DBF4B: variants seen among roughly 807,000 people sequenced by gnomAD.
DBF4B encodes the protein protein DBF4 homolog B.
Under a neutral mutation model 53.4 loss-of-function variants are expected in DBF4B, and 49 were observed. The observed-to-expected ratio is 0.92, with a 90% CI of 0.73 to 1.16. The LOEUF is 1.16. DBF4B is among the 50% of genes most tolerant of loss of function. The probability of loss-of-function intolerance (pLI) is 0.00; values close to 1 mark genes in which losing one functional copy is unlikely to be tolerated. For missense variants in DBF4B, 692 were observed against 775.0 expected (o/e 0.89, Z 1.27); for synonymous variants, 257 against 288.7 (o/e 0.89, Z 1.11).
intron 10 of DBF4B, among the ~76,000 whole-genome samples, chr17:44,745,067 G>A (rs1291141800): frequency 3.3e-5 from 5 of 152,024 alleles, no homozygotes; most frequent in African/African-American, 1.2e-4. Flanking sequence ...AAGTAACTGG[G>A]AGTACAGGTG....
intron 13 of DBF4B, chr17:44,748,808 C>A: frequency 1.5e-6 from 2 of 1,299,304 alleles, no homozygotes; most frequent in Non-Finnish European, 2.0e-6. Context: ...GGCACCAGGA[C>A]AACTAGTGGC....
Position 44,708,817 on chromosome 17 carries a change from T to C in DBF4B, c.-4T>C. The C allele has an allele frequency of 6.4e-7, 1 of 1,551,178 alleles. No individual in the cohort carries two copies. The highest frequency in any genetic ancestry group is 1.2e-5 in the South Asian group (1 of 83,962). On this transcript the variant is annotated 5_prime_UTR_variant, in exon 1 of 14. Coordinates refer to ENST00000315005, the MANE Select transcript of DBF4B (RefSeq NM_145663.3). ...TACGGAGGCCGAGAAGGAGCCGGCATTTGATGAGCGAACCGGGAAAGGGTA... is the reference window on the plus strand; with the variant it reads ...TACGGAGGCCGAGAAGGAGCCGGCACTTGATGAGCGAACCGGGAAAGGGTA...
At chr17:44,719,049 C>A (rs1357568901) in intron 2 of DBF4B, 2 of 151,046 alleles carry the variant, frequency 1.3e-5, no homozygotes, top group Non-Finnish European at 3.0e-5. Flanking sequence ...TCACTGAAAC[C>A]TCCAACTCCC....
intron 3 of DBF4B, among the ~76,000 whole-genome samples, chr17:44,725,056 C>T (rs1028813864): frequency 3.0e-5 from 4 of 134,540 alleles, no homozygotes; most frequent in African/African-American, 8.5e-5. Flanking sequence ...GCAGAGGTTG[C>T]GGTGAGTCGA....
intron 7 of DBF4B, among the ~76,000 whole-genome samples, 160 bp from the exon 8 acceptor site, chr17:44,736,670 C>T (rs533336987): frequency 4.6e-5 from 7 of 152,242 alleles, no homozygotes; most frequent in African/African-American, 1.7e-4. Context: ...CCGTTGTGCC[C>T]AGGTCTGCTC....
intron 3 of DBF4B, among the ~76,000 whole-genome samples, chr17:44,727,214 C>T (rs1046671303): frequency 2.0e-5 from 3 of 150,722 alleles, no homozygotes; most frequent in African/African-American, 7.3e-5. Flanking sequence ...GTCAGGAGTT[C>T]TACACCAGCC....
intron 2 of DBF4B, among the ~76,000 whole-genome samples, chr17:44,715,879 A>G (rs1236066681): frequency 8.1e-6 from 1 of 123,184 alleles, no homozygotes; most frequent in African/African-American, 3.3e-5. Flanking sequence ...CTGGAGTGCA[A>G]TGGCGCGATC....
intron 7 of DBF4B, 29 bp downstream of exon 7, chr17:44,734,192 A>G: frequency 1.2e-6 from 2 of 1,614,086 alleles, no homozygotes; most frequent in Non-Finnish European, 1.7e-6. Context: ...CTGAAGGACA[A>G]ATGGATGGTT....
chr17:44,750,976 A>G lies in DBF4B; in HGVS notation c.1571A>G (p.His524Arg), dbSNP rs369696946. The G allele has an allele frequency of 8.1e-6, 13 of 1,613,954 alleles. No individual in the cohort carries two copies. In the African/African-American group the frequency reaches 9.3e-5, roughly 12 times the overall value. Residue 524 changes from histidine (H) to arginine (R), a missense_variant, in exon 14 of 14, where the codon CAT (histidine) becomes CGT (arginine). Coordinates refer to ENST00000315005, the MANE Select transcript of DBF4B (RefSeq NM_145663.3). ...PFVTWGCLIP[H>R]DTTPLHEEVS... ...GTGACATGGGGTTGCCTCATTCCCC[A>G]TGACACCACCCCTCTGCATGAGGAA...
In DBF4B at chr17:44,749,087, C is replaced by T. The variant is rs2049199414; in HGVS notation, c.1189+622C>T. 2.3e-6 allele frequency: 3 copies of T among 1,289,824 alleles called. No individual in the cohort carries two copies. Among genetic ancestry groups the T allele is most frequent in the Non-Finnish European group, 3.0e-6 (3 of 988,866 alleles). 79.9% of individuals were successfully genotyped at this position (1,289,824 alleles called of 1,614,324 possible). A position where few individuals can be genotyped will look rare whatever the true frequency, so the allele number is the denominator to read the frequency against. On this transcript the variant is annotated intron_variant, in intron 13 of 13. Coordinates refer to ENST00000315005, the MANE Select transcript of DBF4B (RefSeq NM_145663.3). This position sits in a 1 kb window ranked among gnomAD's most constrained non-coding sequence, Gnocchi z 4.4. ...AGCTGCCCCACAGCTCCAGGCTGGC[C>T]ATCAGCTCCCCTGTACTCAGCTACC...
intron 2 of DBF4B, among the ~76,000 whole-genome samples, chr17:44,721,044 T>A (rs1200054719): frequency 6.6e-6 from 1 of 151,922 alleles, no homozygotes; most frequent in East Asian, 1.9e-4. Flanking sequence ...TTTTGTATTT[T>A]TAGTGGAGAC....
chr17:44,731,707 G>A (rs1370496984), intron 5 of DBF4B: 1 of 161,034 alleles, frequency 6.2e-6, no homozygotes, highest in Non-Finnish European at 1.4e-5. Flanking sequence ...TGTGAGAAGA[G>A]TCATGCTGGT....
At chr17:44,748,968 G>A in intron 13 of DBF4B, 1 of 1,289,902 alleles carries the variant, frequency 7.8e-7, no homozygotes, top group Non-Finnish European at 1.0e-6. Context: ...GGGCCACACA[G>A]CCCTCCTGGC....
Position 44,747,184 on chromosome 17 carries a change from T to C in DBF4B, c.932T>C (p.Leu311Pro). ...CECCQEAFEE[L>P]HVHLQSAQHR... ...TGCTGTCAGGAGGCCTTCGAGGAGC[T>C]CCATGTGGTGAGCCCCTTCCCCATT... The change falls in exon 11 of 14, where the codon CTC becomes CCC. Residue 311 changes from leucine (L) to proline (P), a missense_variant. Around this residue, in one of 3 missense-constraint regions of DBF4B, gnomAD observed 597 missense variants for 665.8 expected, o/e 0.90. Coordinates refer to ENST00000315005, the MANE Select transcript of DBF4B (RefSeq NM_145663.3). 1 of 1,614,062 alleles carries C rather than the reference T, an allele frequency of 6.2e-7. No homozygotes were observed.
In DBF4B at chr17:44,748,136, C is replaced by T. The variant is rs527541538; in HGVS notation, c.1065-205C>T. Among the ~76,000 whole-genome samples the T allele has an allele frequency of 3.8e-3, 578 of 152,334 alleles. 4 individuals are homozygous for T. Among genetic ancestry groups the T allele is most frequent in the Non-Finnish European group, 4.5e-3 (308 of 68,026 alleles). Reference sequence around the variant, plus strand: ...TCCTCTGGCCGGCCCCAACCACAGGCTGCAGAGCCAAGAGAAGTGCACACA... The same window carrying T: ...TCCTCTGGCCGGCCCCAACCACAGGTTGCAGAGCCAAGAGAAGTGCACACA... On this transcript the variant is annotated intron_variant, in intron 12 of 13. Transcript: ENST00000315005.
intron 13 of DBF4B, chr17:44,748,797 C>G (rs780268957): frequency 1.8e-5 from 23 of 1,304,096 alleles, no homozygotes; most frequent in Non-Finnish European, 2.3e-5. Context: ...CCAACCCCTG[C>G]GGCACCAGGA....
chr17:44,730,034 A>G lies in DBF4B; in HGVS notation c.355A>G (p.Thr119Ala). The G allele has an allele frequency of 1.2e-6, 2 of 1,613,434 alleles. No homozygotes were observed. The highest frequency in any genetic ancestry group is 1.7e-6 in the Non-Finnish European group (2 of 1,180,036). ...SPSPSEVRVE[T>A]SAMVDPKGSH... Reference sequence around the variant, plus strand: ...TAGCCCCAGTGAGGTCAGAGTGGAAACATCGGCCATGGTTGATCCAAAAGG... The same window carrying G: ...TAGCCCCAGTGAGGTCAGAGTGGAAGCATCGGCCATGGTTGATCCAAAAGG... Residue 119 changes from threonine to alanine, a missense_variant, in exon 4 of 14, where the codon ACA becomes GCA. This residue lies in a region of DBF4B where 597 missense variants were observed against 665.8 expected (regional missense o/e 0.90). Coordinates refer to ENST00000315005, the MANE Select transcript of DBF4B (RefSeq NM_145663.3).
At chr17:44,750,359 A>C in intron 13 of DBF4B, 2 of 1,337,630 alleles carry the variant, frequency 1.5e-6, no homozygotes, top group East Asian at 2.9e-5. Flanking sequence ...GCCTGATGCT[A>C]TTCTGTGTCT....
rs761286017 is a variant in DBF4B, at chr17:44,731,004, A to G, written c.457A>G (p.Ile153Val). 9 of 1,614,054 alleles carry G rather than the reference A, an allele frequency of 5.6e-6. No homozygotes were observed. The highest frequency in any genetic ancestry group is 2.2e-5 in the East Asian group (1 of 44,884). Reference sequence around the variant, plus strand: ...AGGGAAGGAGCTGCTGCAGAAGGCTATCAGAAACCAGGTGAGCTGGGGCAA... The same window carrying G: ...AGGGAAGGAGCTGCTGCAGAAGGCTGTCAGAAACCAGGTGAGCTGGGGCAA... The part of the protein sequence containing the change: ...SRGKELLQKA[I>V]RNQGSISGGG... The change falls in exon 5 of 14, where the codon ATC becomes GTC. Residue 153 changes from isoleucine to valine, a missense_variant. Ile to Val is a conservative substitution (Grantham distance 29). This residue lies in a region of DBF4B where 597 missense variants were observed against 665.8 expected (regional missense o/e 0.90). Coordinates refer to ENST00000315005, the MANE Select transcript of DBF4B (RefSeq NM_145663.3).
Sources: gnomAD v4.1 joint callset for allele counts (sites outside exome capture counted in the v4.1 genomes callset) on GRCh38, gnomAD v4.1.1 for gene constraint, gnomAD v4.1.1 regional missense constraint, Gnocchi (gnomAD v3.1) non-coding constraint, MANE v1.5 for transcripts, NCBI Gene and HGNC (gene_info 2026-07-23, HGNC 2026-07-21) for gene names.